NCOA1: variants seen among roughly 807,000 people sequenced by gnomAD.
The protein encoded by NCOA1 is nuclear receptor coactivator 1, also known as Hin-2 protein.
A neutral mutation model predicts 150.9 loss-of-function variants in NCOA1; 35 were observed. That is an observed-to-expected ratio of 0.23 (90% CI 0.18 to 0.31). The LOEUF (loss-of-function observed/expected upper bound fraction) is 0.31, where lower values mean the gene tolerates loss of function less well. NCOA1 is among the 10% of genes least tolerant of loss of function. NCOA1 has a pLI of 1.00. For synonymous variants in NCOA1, 590 were observed against 630.0 expected (o/e 0.94, Z 0.95); for missense variants, 1,491 against 1,749.3 (o/e 0.85, Z 2.63).
At position 24,682,982 on chromosome 2, in the gene NCOA1, G is replaced by T; in HGVS notation, c.386G>T (p.Cys129Phe). The change falls in exon 8 of 23, where the codon TGT (cysteine) becomes TTT (phenylalanine). Residue 129 changes from cysteine (C) to phenylalanine (F), a missense_variant. Cys to Phe is a radical substitution (Grantham distance 205, BLOSUM62 -2). This residue lies in a region of NCOA1 where 80 missense variants were observed against 163.0 expected (regional missense o/e 0.49). Coordinates refer to ENST00000348332, the MANE Select transcript of NCOA1 (RefSeq NM_003743.5). The stretch of plus-strand genomic sequence containing the variant: ...GATGGATTTTTCTTTGTTGTGAACT[G>T]TGAAGGGAGAATTGTATTTGTGTCA... ...ALDGFFFVVN[C>F]EGRIVFVSEN... 6.2e-7 allele frequency: 1 copy of T among 1,604,850 alleles called. No homozygotes were observed. Among genetic ancestry groups the T allele is most frequent in the Non-Finnish European group, 8.5e-7 (1 of 1,176,818 alleles).
intron 14 of NCOA1, among the ~76,000 whole-genome samples, chr2:24,714,768 G>A (rs192562817): frequency 1.3e-5 from 2 of 152,064 alleles, no homozygotes; most frequent in East Asian, 3.9e-4. Context: ...GGGGGAGCAG[G>A]TGAAATTTTT....
chr2:24,732,465 A>C (rs1663066820), intron 17 of NCOA1, among the ~76,000 whole-genome samples: 1 of 152,182 alleles, frequency 6.6e-6, no homozygotes, highest in Non-Finnish European at 1.5e-5. Context: ...TTAAGCCATA[A>C]GTTCTTACTG....
In NCOA1 at chr2:24,523,563, G is replaced by A. The variant is rs188362539; in HGVS notation, c.-396+31961G>A. Among the ~76,000 whole-genome samples the A allele has an allele frequency of 3.4e-3, 406 of 121,100 alleles. 2 individuals are homozygous for A. The highest frequency in any genetic ancestry group is 0.012 in the African/African-American group (389 of 31,904). 79.4% of individuals were successfully genotyped at this position (121,100 alleles called of 152,430 possible). A position where few individuals can be genotyped will look rare whatever the true frequency, so the allele number is the denominator to read the frequency against. ...GGAGCTTACAGTGAGCTGAGATTGC[G>A]CCACTGTACTCCAGCCTGGGAGACA... On this transcript the variant is annotated intron_variant, in intron 1 of 22. Transcript: ENST00000348332.
chr2:24,553,707 C>A (rs1029834778), intron 1 of NCOA1, among the ~76,000 whole-genome samples: 2 of 152,060 alleles, frequency 1.3e-5, no homozygotes, highest in African/African-American at 4.8e-5. Flanking sequence ...AGATATTTTC[C>A]ATCTATGTTC....
At chr2:24,579,611 T>C (rs1667120906) in intron 2 of NCOA1, among the ~76,000 whole-genome samples, 1 of 152,192 alleles carries the variant, frequency 6.6e-6, no homozygotes, top group Non-Finnish European at 1.5e-5. Context: ...GTCTGAATCA[T>C]GTTTCCCTTA....
chr2:24,539,848 T>C (rs1665317212), intron 1 of NCOA1, among the ~76,000 whole-genome samples: 1 of 152,298 alleles, frequency 6.6e-6, no homozygotes, highest in South Asian at 2.1e-4. Context: ...GGTAATTCAT[T>C]AGCATTACTG....
intron 12 of NCOA1, 94 bp from the exon 13 acceptor site, chr2:24,706,474 G>T: frequency 1.5e-6 from 2 of 1,331,840 alleles, no homozygotes; most frequent in Non-Finnish European, 2.0e-6. Flanking sequence ...CAATATTAAT[G>T]AGATCAATGG....
chr2:24,532,028 C>G (rs1028973598), intron 1 of NCOA1, among the ~76,000 whole-genome samples: 3 of 152,180 alleles, frequency 2.0e-5, no homozygotes, highest in African/African-American at 7.2e-5. Flanking sequence ...TGAGGAATTG[C>G]TACACTGTTT....
rs916477723 is a variant in NCOA1 at position 24,769,928 on chromosome 2, A to C, written c.*1537A>C. On this transcript the variant is annotated 3_prime_UTR_variant, in exon 23 of 23. Coordinates refer to ENST00000348332, the MANE Select transcript of NCOA1 (RefSeq NM_003743.5). ...AGCTACCTCTGCCTCCATGGCAGAG[A>C]AAAGGCCATAAGAACAGTGGAAGAG... 4 of 226,862 alleles carry C rather than the reference A, an allele frequency of 1.8e-5. No homozygotes were observed. The highest frequency in any genetic ancestry group is 3.5e-5 in the Non-Finnish European group (4 of 113,858). 14.1% of individuals were successfully genotyped at this position (226,862 alleles called of 1,614,324 possible).
intron 3 of NCOA1, among the ~76,000 whole-genome samples, chr2:24,638,408 A>G (rs1670036824): frequency 6.6e-6 from 1 of 151,934 alleles, no homozygotes; most frequent in Admixed American, 6.6e-5. Flanking sequence ...TTGATTCCAT[A>G]TCTTAACTAT....
At chr2:24,700,178 A>AATG (rs1673094749) in intron 11 of NCOA1, among the ~76,000 whole-genome samples, 1 of 149,408 alleles carries the variant, frequency 6.7e-6, no homozygotes, top group Non-Finnish European at 1.5e-5. Context: ...TAATAATAAT[A>AATG]ATAGTAATAA....
intron 3 of NCOA1, among the ~76,000 whole-genome samples, chr2:24,584,893 C>T (rs757136616): frequency 6.6e-6 from 1 of 152,188 alleles, no homozygotes; most frequent in Non-Finnish European, 1.5e-5. Flanking sequence ...AATATTACAA[C>T]TCTATGAATT....
At position 24,702,308 on chromosome 2, in the gene NCOA1, GT is replaced by G. The variant is rs1405517696; in HGVS notation, c.950-2777del. 5.9e-5 allele frequency among the ~76,000 whole-genome samples: 9 copies of G among 152,200 alleles called. No individual in the cohort carries two copies. The South Asian group carries it at 8.3e-4, about 14-fold the overall frequency. The stretch of plus-strand genomic sequence containing the variant: ...ACATCTAGGGGTAATTATTTTTTCT[GT>G]ACCTAATAACAATTTTTTAATTCTT... On this transcript the variant is annotated intron_variant, in intron 11 of 22. Transcript: ENST00000348332.
rs150204237 is a variant in NCOA1 at position 24,518,199 on chromosome 2, A to G, written c.-396+26597A>G. On this transcript the variant is annotated intron_variant, in intron 1 of 22. Coordinates refer to ENST00000348332, the MANE Select transcript of NCOA1 (RefSeq NM_003743.5). ...TTAACGTTAAAAAATTAATGAACGT[A>G]TTTTACCATGTTAACAGACTAAAAA... Among the ~76,000 whole-genome samples, 247 of 152,260 alleles carry G rather than the reference A, an allele frequency of 1.6e-3. 1 individual carries two copies. The highest frequency in any genetic ancestry group is 5.7e-3 in the African/African-American group (238 of 41,558).
At chr2:24,497,213 T>C (rs952097015) in intron 1 of NCOA1, among the ~76,000 whole-genome samples, 5 of 152,188 alleles carry the variant, frequency 3.3e-5, no homozygotes, top group Admixed American at 6.5e-5. Context: ...TACCTTTCAA[T>C]TGGCTTCTCT....
At chr2:24,730,314 A>G (rs1273830321) in intron 17 of NCOA1, among the ~76,000 whole-genome samples, 2 of 152,244 alleles carry the variant, frequency 1.3e-5, no homozygotes, top group African/African-American at 4.8e-5. Context: ...AAGACCTTTC[A>G]TTCAATTAAA....
chr2:24,698,497 T>C (rs1211616175), intron 11 of NCOA1, among the ~76,000 whole-genome samples: 1 of 152,170 alleles, frequency 6.6e-6, no homozygotes, highest in Admixed American at 6.5e-5. Context: ...GATATGTATA[T>C]TCCCTGCCCT....
intron 2 of NCOA1, among the ~76,000 whole-genome samples, chr2:24,577,449 A>G (rs1483569123): frequency 6.6e-6 from 1 of 152,174 alleles, no homozygotes; most frequent in African/African-American, 2.4e-5. Context: ...TGGGAATCAT[A>G]AGATTGAGTG....
intron 3 of NCOA1, among the ~76,000 whole-genome samples, chr2:24,624,705 A>G (rs908031740): frequency 1.3e-5 from 2 of 152,236 alleles, no homozygotes; most frequent in African/African-American, 2.4e-5. Flanking sequence ...TGATGAAACA[A>G]TATATACATA....
Sources: gnomAD v4.1 joint callset for allele counts (sites outside exome capture counted in the v4.1 genomes callset) on GRCh38, gnomAD v4.1.1 for gene constraint, gnomAD v4.1.1 regional missense constraint, MANE v1.5 for transcripts, NCBI Gene and HGNC (gene_info 2026-07-23, HGNC 2026-07-21) for gene names.